SAXO1: variants seen among roughly 807,000 people sequenced by gnomAD.
SAXO1 encodes the protein stabilizer of axonemal microtubules 1, also known as 4930500O09Rik.
A neutral mutation model predicts 17.5 loss-of-function variants in SAXO1; 21 were observed. That is an observed-to-expected ratio of 1.20 (90% CI 0.85 to 1.72). The LOEUF (loss-of-function observed/expected upper bound fraction) is 1.72. Among genes scored for constraint, SAXO1 ranks in the 40% most tolerant of loss-of-function variants. The pLI is 0.00. For missense variants in SAXO1, 843 were observed against 596.0 expected, an observed-to-expected ratio of 1.41 and a Z score of -4.32; for synonymous variants, 274 against 216.5, an observed-to-expected ratio of 1.27 and a Z score of -2.33.
intron 1 of SAXO1, among the ~76,000 whole-genome samples, chr9:18,996,195 T>C (rs988508052): frequency 6.6e-5 from 10 of 152,220 alleles, no homozygotes; most frequent in African/African-American, 2.4e-4. Flanking sequence ...ATTATCCAGA[T>C]GTTGCCACAC....
intron 1 of SAXO1, among the ~76,000 whole-genome samples, chr9:18,976,594 G>A (rs1434245456): frequency 6.6e-6 from 1 of 152,184 alleles, no homozygotes; most frequent in Non-Finnish European, 1.5e-5. Context: ...GGGAAAGAGT[G>A]GCCTAAAGTG....
At chr9:19,022,319 G>A (rs1487952766) in intron 1 of SAXO1, among the ~76,000 whole-genome samples, 1 of 152,232 alleles carries the variant, frequency 6.6e-6, no homozygotes. Context: ...TGTAAGAACT[G>A]TAACATTCAC....
rs1479207653 is a variant in SAXO1, at chr9:18,952,061, AACTT to A, written c.39-1128_39-1125del. Reference sequence around the variant, plus strand: ...ATTTTACTTGCATGGTAGTAAATGAAACTTACTTATTTACTTACTACTTACAGCT... The same window carrying A: ...ATTTTACTTGCATGGTAGTAAATGAAACTTATTTACTTACTACTTACAGCT... On this transcript the variant is annotated intron_variant, in intron 1 of 3. Coordinates refer to ENST00000380534, the MANE Select transcript of SAXO1 (RefSeq NM_153707.4). Among the ~76,000 whole-genome samples the A allele has an allele frequency of 1.2e-4, 18 of 152,338 alleles. No individual in the cohort carries two copies. The South Asian group carries it at 1.5e-3, about 12-fold the overall frequency.
At chr9:19,025,280 C>T (rs1396956299) in intron 1 of SAXO1, among the ~76,000 whole-genome samples, 2 of 151,520 alleles carry the variant, frequency 1.3e-5, no homozygotes, top group Non-Finnish European at 2.9e-5. Context: ...GTTTTTTTTC[C>T]TTAATCAGAA....
intron 1 of SAXO1, among the ~76,000 whole-genome samples, chr9:19,007,891 A>G (rs889744590): frequency 6.6e-6 from 1 of 152,058 alleles, no homozygotes; most frequent in African/African-American, 2.4e-5. Context: ...GTCTATGGCT[A>G]CTTTTGTACT....
At chr9:18,945,415 T>C (rs1163004922) in intron 2 of SAXO1, among the ~76,000 whole-genome samples, 2 of 152,258 alleles carry the variant, frequency 1.3e-5, no homozygotes, top group African/African-American at 2.4e-5. Context: ...GGGGTTCTGC[T>C]CTTTGTCAGT....
At chr9:18,939,869 G>A (rs530400737) in intron 3 of SAXO1, among the ~76,000 whole-genome samples, 2 of 152,310 alleles carry the variant, frequency 1.3e-5, no homozygotes, top group African/African-American at 4.8e-5. Flanking sequence ...TTTATACAAA[G>A]GAGTGGTCAG....
At position 18,929,052 on chromosome 9, in the gene SAXO1, T is replaced by C. The variant is rs749264728; in HGVS notation, c.425A>G (p.Asp142Gly). The change falls in exon 4 of 4, where the codon GAT becomes GGT. Residue 142 changes from aspartate to glycine, a missense_variant. Coordinates refer to ENST00000380534, the MANE Select transcript of SAXO1 (RefSeq NM_153707.4). ...KMECLPTYKADYLPWNQPRRE... is the reference protein window; with the variant it reads ...KMECLPTYKAGYLPWNQPRRE... ...CCTTGGTTGGTTCCAAGGCAAATAA[T>C]CAGCTGAAATTAAAGCAGAAGAGGT... 1.2e-6 allele frequency: 2 copies of C among 1,613,318 alleles called. No homozygotes were observed. Among genetic ancestry groups the C allele is most frequent in the Non-Finnish European group, 1.7e-6 (2 of 1,179,716 alleles).
At chr9:18,959,246 C>T (rs1198328574) in intron 1 of SAXO1, among the ~76,000 whole-genome samples, 4 of 152,074 alleles carry the variant, frequency 2.6e-5, no homozygotes, top group Non-Finnish European at 4.4e-5. Flanking sequence ...GGTGGAAGAA[C>T]TAAAATCAGA....
intron 1 of SAXO1, among the ~76,000 whole-genome samples, chr9:18,980,549 G>GGAGA (rs1833336063): frequency 7.0e-6 from 1 of 142,400 alleles, no homozygotes; most frequent in East Asian, 2.2e-4. Flanking sequence ...AGGGAGGGAG[G>GGAGA]GAAGAGGAAG....
chr9:19,006,701 C>G (rs773929826), intron 1 of SAXO1, among the ~76,000 whole-genome samples: 11 of 152,318 alleles, frequency 7.2e-5, no homozygotes, highest in East Asian at 1.9e-4. Context: ...GTGGTAACAG[C>G]TGCACAACAT....
chr9:18,934,623 C>T (rs1300303313), intron 3 of SAXO1, among the ~76,000 whole-genome samples: 4 of 152,182 alleles, frequency 2.6e-5, no homozygotes, highest in African/African-American at 9.7e-5. Context: ...ATAATAGCTA[C>T]TTTGAAATAT....
intron 1 of SAXO1, among the ~76,000 whole-genome samples, chr9:19,044,736 G>A (rs555284075): frequency 3.9e-5 from 6 of 152,022 alleles, no homozygotes; most frequent in African/African-American, 7.2e-5. Flanking sequence ...GGTGGCGGGC[G>A]CCTGTAGTCC....
chr9:18,961,325 C>T (rs1259138132), intron 1 of SAXO1, among the ~76,000 whole-genome samples: 1 of 151,958 alleles, frequency 6.6e-6, no homozygotes, highest in African/African-American at 2.4e-5. Flanking sequence ...CATGTGCCAC[C>T]ACGCCTGGCT....
chr9:19,009,159 CTA>C (rs1280404015), intron 1 of SAXO1, among the ~76,000 whole-genome samples: 1 of 152,026 alleles, frequency 6.6e-6, no homozygotes, highest in Non-Finnish European at 1.5e-5. Context: ...GGAATAAAAA[CTA>C]TGCAAACAAG....
rs1319941163 is a variant in SAXO1 at position 18,949,921 on chromosome 9, G to A, written c.218+837C>T. 2.0e-5 allele frequency among the ~76,000 whole-genome samples: 3 copies of A among 152,182 alleles called. No homozygotes were observed. In the East Asian group the frequency reaches 5.8e-4, roughly 29 times the overall value. ...CCTGCCCTTTAGGGATGAGGAACCG[G>A]GAAGGCAGAGAACACATCAATCTTT... On this transcript the variant is annotated intron_variant, in intron 2 of 3. Coordinates refer to ENST00000380534, the MANE Select transcript of SAXO1 (RefSeq NM_153707.4).
intron 1 of SAXO1, among the ~76,000 whole-genome samples, chr9:19,013,540 A>ATTTTTTTTTTTTTTT: frequency 1.1e-5 from 1 of 93,204 alleles, no homozygotes; most frequent in Non-Finnish European, 1.9e-5. Flanking sequence ...AAAAGTACGG[A>ATTTTTTTTTTTTTTT]TTTTTTTTTT....
chr9:19,010,153 AACAAC>A, intron 1 of SAXO1, among the ~76,000 whole-genome samples: 1 of 27,848 alleles, frequency 3.6e-5, no homozygotes, highest in South Asian at 9.2e-4. Flanking sequence ...AAAAAAAAAC[AACAAC>A]AACAACAAAA....
intron 1 of SAXO1, among the ~76,000 whole-genome samples, chr9:18,971,637 A>C (rs1306611441): frequency 1.3e-5 from 2 of 152,132 alleles, no homozygotes; most frequent in Non-Finnish European, 2.9e-5. Context: ...CTTCGAGTTT[A>C]ATTATTACCA....
Sources: gnomAD v4.1 joint callset for allele counts (sites outside exome capture counted in the v4.1 genomes callset) on GRCh38, gnomAD v4.1.1 for gene constraint, MANE v1.5 for transcripts, NCBI Gene and HGNC (gene_info 2026-07-23, HGNC 2026-07-21) for gene names.